RUVBL1: variants seen among roughly 807,000 people sequenced by gnomAD.
RUVBL1 encodes RuvB like AAA ATPase 1, also known as ruvB-like 1.
Under a neutral mutation model 52.4 loss-of-function variants are expected in RUVBL1, and 4 were observed. The ratio of observed to expected loss-of-function variants is 0.08; its 90% confidence interval spans 0.04 to 0.17. RUVBL1 has a LOEUF of 0.17. RUVBL1 is among the 10% of genes least tolerant of loss of function. The probability of loss-of-function intolerance (pLI) is 1.00; values close to 1 mark genes in which losing one functional copy is unlikely to be tolerated. For missense variants in RUVBL1, 298 were observed against 572.8 expected, an observed-to-expected ratio of 0.52 and a Z score of 4.90; for synonymous variants, 217 against 214.4, an observed-to-expected ratio of 1.01 and a Z score of -0.10.
At chr3:128,150,904 TATA>T (rs1306644257) in intron 1 of RUVBL1, among the ~76,000 whole-genome samples, 25 of 66,504 alleles carry the variant, frequency 3.8e-4, no homozygotes, top group Admixed American at 7.4e-4. Context: ...ATATATATAA[TATA>T]ATATTCTATA....
At chr3:128,126,821 G>A (rs1418046751), upstream of RUVBL1, among the ~76,000 whole-genome samples, 1 of 152,192 alleles carries the variant, frequency 6.6e-6, no homozygotes, top group African/African-American at 2.4e-5. Flanking sequence ...CCTGACCAGC[G>A]TCCATCCCAC....
At chr3:128,112,626 AACACTTTTAGAC>A (rs1943421848) in intron 3 of RUVBL1, among the ~76,000 whole-genome samples, 1 of 152,248 alleles carries the variant, frequency 6.6e-6, no homozygotes, top group Non-Finnish European at 1.5e-5. Context: ...TCATTAAAAA[AACACTTTTAGAC>A]ACATCTATTT....
Position 128,082,562 on chromosome 3 carries a change from G to A in RUVBL1, c.1132C>T (p.Arg378Cys). ...ATGTTGATTCCTTCCGTCTGGGCACGGATTTTAATGATCTTTTAAAGGATA... is the reference window on the plus strand; with the variant it reads ...ATGTTGATTCCTTCCGTCTGGGCACAGATTTTAATGATCTTTTAAAGGATA... Reference protein sequence around the residue: ...PQEMKQIIKIRAQTEGINISE... With the variant: ...PQEMKQIIKICAQTEGINISE... The change falls in exon 10 of 11, where the codon CGT becomes TGT. Residue 378 changes from arginine to cysteine, a missense_variant. This residue lies in a region of RUVBL1 where 161 missense variants were observed against 298.3 expected (regional missense o/e 0.54). Coordinates refer to ENST00000322623, the MANE Select transcript of RUVBL1 (RefSeq NM_003707.3). This position sits in a 1 kb window ranked among gnomAD's most constrained non-coding sequence, Gnocchi z 4.7. 1.2e-6 allele frequency: 2 copies of A among 1,612,040 alleles called. No homozygotes were observed. The highest frequency in any genetic ancestry group is 1.7e-6 in the Non-Finnish European group (2 of 1,179,100).
At position 128,111,182 on chromosome 3, in the gene RUVBL1, G is replaced by A. The variant is rs1422432797; in HGVS notation, c.361+1706C>T. On this transcript the variant is annotated intron_variant, in intron 3 of 10. Coordinates refer to ENST00000322623, the MANE Select transcript of RUVBL1 (RefSeq NM_003707.3). ...TGAGGTTGCAGTGAGCTGAGATCACGCCACTGCACTCCAGCCTGGCGACAG... is the reference window on the plus strand; with the variant it reads ...TGAGGTTGCAGTGAGCTGAGATCACACCACTGCACTCCAGCCTGGCGACAG... Among the ~76,000 whole-genome samples the A allele has an allele frequency of 4.7e-5, 7 of 147,578 alleles. No homozygotes were observed. In the South Asian group the frequency reaches 6.4e-4, roughly 13 times the overall value.
chr3:128,100,763 A>G lies in RUVBL1; in HGVS notation c.604-19T>C, dbSNP rs767347023. Reference sequence around the variant, plus strand: ...CCTGCCTCTGCAAAAAGAGAGAAACATGAGTGCCTGGTAAGTTTTCACTGC... The same window carrying G: ...CCTGCCTCTGCAAAAAGAGAGAAACGTGAGTGCCTGGTAAGTTTTCACTGC... On this transcript the variant is annotated intron_variant, in intron 5 of 10. Transcript: ENST00000322623. The G allele has an allele frequency of 1.2e-6, 2 of 1,613,378 alleles. No homozygotes were observed. The highest frequency in any genetic ancestry group is 1.3e-5 in the African/African-American group (1 of 74,892).
chr3:128,083,210 C>A (rs1942534951), intron 9 of RUVBL1: 1 of 152,896 alleles, frequency 6.5e-6, no homozygotes, highest in East Asian at 1.9e-4. Flanking sequence ...GACCAGGATC[C>A]TGCAGGCGTA....
chr3:128,123,103 T>G (rs1360896326), intron 1 of RUVBL1, among the ~76,000 whole-genome samples: 1 of 152,180 alleles, frequency 6.6e-6, no homozygotes, highest in African/African-American at 2.4e-5. Context: ...AACCGTCCCA[T>G]AGCCTGCCAC....
chr3:128,083,779 C>A (rs1252033804), intron 9 of RUVBL1: 1 of 152,290 alleles, frequency 6.6e-6, no homozygotes, highest in Non-Finnish European at 1.5e-5. Context: ...GATCCTTGTA[C>A]GAAACGTCCT....
chr3:128,145,665 T>G (rs1180948568), intron 1 of RUVBL1, among the ~76,000 whole-genome samples: 4 of 151,846 alleles, frequency 2.6e-5, no homozygotes, highest in African/African-American at 9.7e-5. Flanking sequence ...TGGGGTGGGG[T>G]GAGGAGTCAG....
downstream of RUVBL1, among the ~76,000 whole-genome samples, chr3:128,077,600 C>G (rs1942371455): frequency 6.6e-6 from 1 of 152,222 alleles, no homozygotes; most frequent in African/African-American, 2.4e-5. Context: ...CCTAGCTGAG[C>G]CTCACCCAGG....
At chr3:128,139,437 T>C (rs1021145789) in intron 1 of RUVBL1, among the ~76,000 whole-genome samples, 90 of 152,172 alleles carry the variant, frequency 5.9e-4, no homozygotes, top group Middle Eastern at 3.2e-3. Context: ...CAAGTAGGCA[T>C]ATGAAAAGGT....
At chr3:128,108,005 C>T (rs1422561727) in intron 3 of RUVBL1, among the ~76,000 whole-genome samples, 5 of 152,152 alleles carry the variant, frequency 3.3e-5, no homozygotes, top group Admixed American at 6.5e-5. Context: ...TGGCAGGGGA[C>T]GTGGGTGACG....
chr3:128,117,827 A>G (rs1032302228), intron 2 of RUVBL1, among the ~76,000 whole-genome samples: 2 of 152,188 alleles, frequency 1.3e-5, no homozygotes, highest in Non-Finnish European at 2.9e-5. Context: ...ACTCTGACAT[A>G]TAATAGTGAA....
chr3:128,094,569 G>T (rs891007176), intron 8 of RUVBL1, among the ~76,000 whole-genome samples: 1 of 152,220 alleles, frequency 6.6e-6, no homozygotes, highest in East Asian at 1.9e-4. Flanking sequence ...CTGGGCTCAG[G>T]TTCCAGTGGC....
At chr3:128,116,279 G>A (rs959560985) in intron 2 of RUVBL1, among the ~76,000 whole-genome samples, 13 of 151,982 alleles carry the variant, frequency 8.6e-5, no homozygotes, top group African/African-American at 2.4e-4. Flanking sequence ...AGTGGCTCAC[G>A]CCTGTAATCC....
At chr3:128,147,139 G>A (rs1049152434) in intron 1 of RUVBL1, among the ~76,000 whole-genome samples, 5 of 152,090 alleles carry the variant, frequency 3.3e-5, no homozygotes, top group African/African-American at 7.2e-5. Flanking sequence ...TGGCACAATC[G>A]GCTCACTGCA....
exon 1 of RUVBL1, chr3:128,153,793 C>T (rs1944306055): frequency 2.0e-6 from 3 of 1,526,272 alleles, no homozygotes; most frequent in Non-Finnish European, 2.6e-6. Flanking sequence ...CTGCCCCGGG[C>T]ACGCCTCCCT....
intron 8 of RUVBL1, among the ~76,000 whole-genome samples, chr3:128,093,408 G>A (rs557215105): frequency 5.3e-5 from 8 of 151,972 alleles, no homozygotes; most frequent in African/African-American, 1.2e-4. Context: ...AAAATTGACC[G>A]TGGTGATGGT....
chr3:128,112,585 T>C (rs1455137629), intron 3 of RUVBL1, among the ~76,000 whole-genome samples: 2 of 152,164 alleles, frequency 1.3e-5, no homozygotes, highest in African/African-American at 4.8e-5. Flanking sequence ...TCATCTCTAA[T>C]GGCAAAATAA....
Sources: gnomAD v4.1 joint callset for allele counts (sites outside exome capture counted in the v4.1 genomes callset) on GRCh38, gnomAD v4.1.1 for gene constraint, gnomAD v4.1.1 regional missense constraint, Gnocchi (gnomAD v3.1) non-coding constraint, MANE v1.5 for transcripts, NCBI Gene and HGNC (gene_info 2026-07-23, HGNC 2026-07-21) for gene names.